MALT1: variants seen among roughly 807,000 people sequenced by gnomAD.
The protein encoded by MALT1 is MALT1 paracaspase, also known as mucosa-associated lymphoid tissue lymphoma translocation protein 1.
In MALT1, 36 loss-of-function variants were observed where a neutral mutation model predicts 85.5. That is an observed-to-expected ratio of 0.42 (90% CI 0.32 to 0.56). MALT1 has a LOEUF of 0.56. Ranked by LOEUF, MALT1 falls within the 20% of genes least tolerant of loss-of-function variation. The pLI, the probability that MALT1 is intolerant of heterozygous loss-of-function variation, is 0.10. For synonymous variants in MALT1, 359 were observed against 361.3 expected, an observed-to-expected ratio of 0.99 and a Z score of 0.07; for missense variants, 716 against 981.6, an observed-to-expected ratio of 0.73 and a Z score of 3.62.
At chr18:58,689,165 GAC>G (rs892958171) in intron 2 of MALT1, among the ~76,000 whole-genome samples, 5 of 117,708 alleles carry the variant, frequency 4.2e-5, no homozygotes, top group African/African-American at 2.2e-4. Context: ...AAAACAAAAA[GAC>G]AGAATCACTG....
rs375125466 is a variant in MALT1, at chr18:58,679,792, G to A, written c.210-1378G>A. Among the ~76,000 whole-genome samples the A allele has an allele frequency of 2.4e-4, 37 of 152,228 alleles. No homozygotes were observed. The East Asian group carries it at 4.2e-3, about 17-fold the overall frequency. On this transcript the variant is annotated intron_variant, in intron 1 of 16. Coordinates refer to ENST00000649217, the MANE Select transcript of MALT1 (RefSeq NM_006785.4). ...TCAAACTCCTGGCTTGATGAGATCC[G>A]CGTGCCTTGGCCTCCCACAGTGCTG...
intron 9 of MALT1, among the ~76,000 whole-genome samples, chr18:58,717,777 T>C (rs900472350): frequency 6.7e-6 from 1 of 149,502 alleles, no homozygotes; most frequent in African/African-American, 2.5e-5. Flanking sequence ...AGAAACCTGC[T>C]ATGTTTCATT....
intron 10 of MALT1, among the ~76,000 whole-genome samples, chr18:58,727,991 A>T (rs956235970): frequency 2.0e-5 from 3 of 152,138 alleles, no homozygotes; most frequent in African/African-American, 7.2e-5. Context: ...GTGCCGTGTA[A>T]GCCTGCTGGG....
intron 2 of MALT1, 22 bp from the exon 3 acceptor site, chr18:58,696,337 ATTTTTTT>A (rs574285957): frequency 1.4e-4 from 143 of 990,978 alleles, no homozygotes; most frequent in Non-Finnish European, 1.7e-4. Flanking sequence ...TGTGACTTTA[ATTTTTTT>A]TTTTTTTTTT....
intron 10 of MALT1, among the ~76,000 whole-genome samples, chr18:58,731,792 G>A (rs1245396957): frequency 1.3e-5 from 2 of 151,986 alleles, no homozygotes; most frequent in Admixed American, 6.6e-5. Context: ...GTGAATTCAT[G>A]TATGGAGATA....
chr18:58,692,552 A>T (rs1257740896), intron 2 of MALT1, among the ~76,000 whole-genome samples: 1 of 151,480 alleles, frequency 6.6e-6, no homozygotes, highest in African/African-American at 2.4e-5. Context: ...TAAGCTGATT[A>T]ATAACCCTAC....
At chr18:58,693,750 T>A (rs1471697753) in intron 2 of MALT1, among the ~76,000 whole-genome samples, 2 of 152,198 alleles carry the variant, frequency 1.3e-5, no homozygotes, top group Non-Finnish European at 2.9e-5. Context: ...ATGGGGAAAC[T>A]GTGGGGACTG....
chr18:58,692,911 A>T (rs1028786614), intron 2 of MALT1, among the ~76,000 whole-genome samples: 1 of 152,222 alleles, frequency 6.6e-6, no homozygotes, highest in Non-Finnish European at 1.5e-5. Context: ...GGATAGATCA[A>T]ACCAGCCACA....
chr18:58,691,037 A>G, intron 2 of MALT1: 1 of 277,544 alleles, frequency 3.6e-6, no homozygotes, highest in South Asian at 3.9e-5. Flanking sequence ...GTTATCCACC[A>G]CCTGGAATTG....
intron 13 of MALT1, among the ~76,000 whole-genome samples, chr18:58,738,605 C>T (rs1182731885): frequency 6.6e-6 from 1 of 152,170 alleles, no homozygotes; most frequent in African/African-American, 2.4e-5. Flanking sequence ...ACACTTAACC[C>T]TACTCCCCAC....
rs1457999738 is a variant in MALT1, at chr18:58,753,750, C to G, written c.*5908C>G. On this transcript the variant is annotated 3_prime_UTR_variant, in exon 17 of 17. Coordinates refer to ENST00000649217, the MANE Select transcript of MALT1 (RefSeq NM_006785.4). The stretch of plus-strand genomic sequence containing the variant: ...TGTATAATTTTAAAATACAGATATG[C>G]ACAATTGTGTAATGTAAATATGCTC... 6.6e-6 allele frequency: 1 copy of G among 152,148 alleles called. No individual in the cohort carries two copies. Among genetic ancestry groups the G allele is most frequent in the Non-Finnish European group, 1.5e-5 (1 of 68,032 alleles). 9.4% of individuals were successfully genotyped at this position (152,148 alleles called of 1,614,324 possible).
chr18:58,749,765 A>C lies in MALT1; in HGVS notation c.*1923A>C, dbSNP rs2055421649. 1 of 216,128 alleles carries C rather than the reference A, an allele frequency of 4.6e-6. No homozygotes were observed. The highest frequency in any genetic ancestry group is 5.8e-5 in the Admixed American group (1 of 17,156). The allele number at this position is 216,128 out of a possible 1,614,324, so 13.4% of individuals were successfully genotyped here. On this transcript the variant is annotated 3_prime_UTR_variant, in exon 17 of 17. Transcript: ENST00000649217. The stretch of plus-strand genomic sequence containing the variant: ...GATAAAATCCAAAACTCTTTCATAA[A>C]AACACTCAACAAACTTAGGAATAAA...
At chr18:58,737,104 G>C (rs894533510) in intron 13 of MALT1, among the ~76,000 whole-genome samples, 1 of 152,126 alleles carries the variant, frequency 6.6e-6, no homozygotes, top group Non-Finnish European at 1.5e-5. Context: ...ACTTTGGGAG[G>C]CTGAGGTAGG....
At chr18:58,729,502 AAAAG>A (rs965927366) in intron 10 of MALT1, among the ~76,000 whole-genome samples, 1 of 144,350 alleles carries the variant, frequency 6.9e-6, no homozygotes, top group African/African-American at 2.7e-5. Flanking sequence ...AAAAAAAAAA[AAAAG>A]AAAAAAAAAA....
At chr18:58,700,021 T>C (rs1460444516) in intron 3 of MALT1, among the ~76,000 whole-genome samples, 1 of 152,240 alleles carries the variant, frequency 6.6e-6, no homozygotes, top group Non-Finnish European at 1.5e-5. Context: ...TCCCAGCTAA[T>C]GTGGTCAGAG....
intron 10 of MALT1, among the ~76,000 whole-genome samples, chr18:58,728,537 C>G (rs554329101): frequency 5.9e-5 from 9 of 151,990 alleles, no homozygotes; most frequent in Admixed American, 5.9e-4. Context: ...CCTGTGAGGT[C>G]GAAGCTGCAG....
intron 9 of MALT1, among the ~76,000 whole-genome samples, chr18:58,718,457 G>A (rs1483442699): frequency 1.3e-5 from 2 of 152,222 alleles, no homozygotes; most frequent in Non-Finnish European, 1.5e-5. Flanking sequence ...TCTGCCTCCT[G>A]TCAGATCAGC....
chr18:58,728,554 G>C (rs1357382676), intron 10 of MALT1, among the ~76,000 whole-genome samples: 4 of 152,280 alleles, frequency 2.6e-5, no homozygotes, highest in Admixed American at 6.5e-5. Context: ...GCAGTGAGCT[G>C]TGATCACACT....
intron 10 of MALT1, among the ~76,000 whole-genome samples, chr18:58,732,500 C>T (rs1218410230): frequency 2.0e-5 from 3 of 152,086 alleles, no homozygotes; most frequent in South Asian, 2.1e-4. Context: ...TAGCAATCTG[C>T]GAAGTCAGAT....
Sources: allele counts gnomAD v4.1 joint callset (sites outside exome capture counted in the v4.1 genomes callset), GRCh38; gene constraint gnomAD v4.1.1; transcripts MANE v1.5; gene names NCBI Gene and HGNC (gene_info 2026-07-23, HGNC 2026-07-21).